ABCG5: variants seen among roughly 807,000 people sequenced by gnomAD.
ABCG5 encodes ATP-binding cassette sub-family G member 5.
In ABCG5, 64 loss-of-function variants were observed where a neutral mutation model predicts 64.5. The observed-to-expected ratio is 0.99, with a 90% CI of 0.81 to 1.22. The LOEUF is 1.22. ABCG5 is among the 50% of genes most tolerant of loss of function. ABCG5 has a pLI of 0.00. For synonymous variants in ABCG5, 385 were observed against 326.3 expected (o/e 1.18, Z -1.94); for missense variants, 908 against 829.5 (o/e 1.09, Z -1.16).
chr2:43,825,775 A>G (rs368326313), intron 6 of ABCG5, among the ~76,000 whole-genome samples: 2 of 152,144 alleles, frequency 1.3e-5, no homozygotes, highest in African/African-American at 2.4e-5. Flanking sequence ...CCCAACTATC[A>G]ATTTTGAATC....
downstream of ABCG5, among the ~76,000 whole-genome samples, chr2:43,808,996 C>CACAT (rs1192650172): frequency 3.3e-5 from 5 of 149,738 alleles, no homozygotes; most frequent in African/African-American, 1.3e-4. Flanking sequence ...CACACACACA[C>CACAT]ACACTTTTTT....
chr2:43,832,957 G>C (rs1239297767), intron 2 of ABCG5, among the ~76,000 whole-genome samples: 1 of 151,984 alleles, frequency 6.6e-6, no homozygotes, highest in East Asian at 1.9e-4. Context: ...TTACAGGCAT[G>C]CACCACTACA....
intron 11 of ABCG5, among the ~76,000 whole-genome samples, 155 bp from the exon 12 acceptor site, chr2:43,814,744 A>T (rs796661984): frequency 5.9e-5 from 9 of 152,328 alleles, no homozygotes; most frequent in African/African-American, 2.2e-4. Context: ...CCTTCAAACA[A>T]CATTGAACAA....
chr2:43,839,001 C>G (rs886056032), upstream of ABCG5: 4 of 1,529,534 alleles, frequency 2.6e-6, no homozygotes, highest in Non-Finnish European at 3.5e-6. Flanking sequence ...CCCTGGCAGG[C>G]AGCAGCTGGG....
downstream of ABCG5, among the ~76,000 whole-genome samples, chr2:43,807,626 C>G (rs147357270): frequency 3.0e-3 from 460 of 151,146 alleles, 4 homozygotes; most frequent in African/African-American, 0.011. Flanking sequence ...TTTTTGTTGC[C>G]CAGGCTGGTC....
chr2:43,810,412 A>G (rs1400525157), downstream of ABCG5: 2 of 985,312 alleles, frequency 2.0e-6, no homozygotes, highest in Non-Finnish European at 2.4e-6. Context: ...ATCAAGAAGC[A>G]GGACAAAACA....
intron 11 of ABCG5, among the ~76,000 whole-genome samples, chr2:43,817,739 G>A (rs754173221): frequency 5.9e-5 from 9 of 151,856 alleles, no homozygotes; most frequent in South Asian, 2.1e-4. Context: ...GTGAAACCAC[G>A]TCTCTACTAA....
At position 43,824,432 on chromosome 2, in the gene ABCG5, A is replaced by T; in HGVS notation, c.905T>A (p.Met302Lys). 6.2e-7 allele frequency: 1 copy of T among 1,613,730 alleles called. No homozygotes were observed. The highest frequency in any genetic ancestry group is 8.5e-7 in the Non-Finnish European group (1 of 1,180,038). ...TTGGGTATCCACTGACGTCAGGTCC[A>T]CTAAAAGTTTTTCCCAAAAGATGTC... ...PEHSNPFDFY[M>K]DLTSVDTQSK... is the part of the protein sequence containing the mutation. Residue 302 changes from methionine to lysine, a missense_variant and splice_region_variant, in exon 8 of 13, where the codon ATG (methionine) becomes AAG (lysine). By Grantham distance (95) the Met-to-Lys change is moderately conservative (BLOSUM62 -1). Transcript: ENST00000405322.
At chr2:43,836,478 G>A (rs1195884984) in intron 2 of ABCG5, among the ~76,000 whole-genome samples, 1 of 152,200 alleles carries the variant, frequency 6.6e-6, no homozygotes, top group Non-Finnish European at 1.5e-5. Context: ...GAGCCAATTT[G>A]TCAGAAGCTT....
At chr2:43,826,051 C>T (rs921098655) in intron 6 of ABCG5, among the ~76,000 whole-genome samples, 10 of 152,308 alleles carry the variant, frequency 6.6e-5, no homozygotes, top group African/African-American at 2.4e-4. Flanking sequence ...TCACGACTCC[C>T]TGCAGCCTTG....
At chr2:43,824,638 A>G (rs1441014532) in intron 7 of ABCG5, 1 of 985,418 alleles carries the variant, frequency 1.0e-6, no homozygotes, top group African/African-American at 1.7e-5. Flanking sequence ...GGGAGAATTC[A>G]GAAGCTCAGC....
chr2:43,810,349 A>G (rs3792008), downstream of ABCG5: 194,490 of 983,514 alleles, frequency 0.2, 19,927 homozygotes, highest in African/African-American at 0.3. Context: ...AGACTGACAC[A>G]TTTATTTTAA....
chr2:43,817,379 G>A (rs1666903846), intron 11 of ABCG5, among the ~76,000 whole-genome samples: 2 of 152,134 alleles, frequency 1.3e-5, no homozygotes, highest in South Asian at 2.1e-4. Flanking sequence ...CAGCTATTCA[G>A]GAGGCTAAGG....
At chr2:43,808,986 C>CAT (rs1666378340), downstream of ABCG5, among the ~76,000 whole-genome samples, 1 of 151,884 alleles carries the variant, frequency 6.6e-6, no homozygotes, top group African/African-American at 2.4e-5. Flanking sequence ...CACACACACA[C>CAT]ACACACACAC....
upstream of ABCG5, chr2:43,839,029 C>A: frequency 6.5e-7 from 1 of 1,550,274 alleles, no homozygotes; most frequent in Middle Eastern, 1.8e-4. Context: ...GAGCTGCAGC[C>A]CAGGGTCACA....
At chr2:43,827,293 C>G (rs1667672510) in intron 5 of ABCG5, among the ~76,000 whole-genome samples, 1 of 150,626 alleles carries the variant, frequency 6.6e-6, no homozygotes, top group Non-Finnish European at 1.5e-5. Context: ...CCACTGCACT[C>G]CAGCCTGGGC....
chr2:43,814,226 A>G (rs188211941), intron 12 of ABCG5, among the ~76,000 whole-genome samples: 1 of 152,294 alleles, frequency 6.6e-6, no homozygotes, highest in East Asian at 1.9e-4. Flanking sequence ...ACCTCAGTGT[A>G]CATAAGGTCT....
At chr2:43,810,496 T>C, downstream of ABCG5, 3 of 985,432 alleles carry the variant, frequency 3.0e-6, no homozygotes, top group Non-Finnish European at 3.6e-6. Context: ...TCTGTAGATG[T>C]GTGTACCTGC....
At chr2:43,813,724 T>G (rs1666632499) in intron 12 of ABCG5, among the ~76,000 whole-genome samples, 3 of 132,964 alleles carry the variant, frequency 2.3e-5, no homozygotes, top group Non-Finnish European at 4.8e-5. Flanking sequence ...TTTTTTTTTT[T>G]TTTTTTTTTT....
Sources: allele counts gnomAD v4.1 joint callset (sites outside exome capture counted in the v4.1 genomes callset), GRCh38; gene constraint gnomAD v4.1.1; transcripts MANE v1.5; gene names NCBI Gene and HGNC (gene_info 2026-07-23, HGNC 2026-07-21).